ATP10B: variants seen among roughly 807,000 people sequenced by gnomAD.
ATP10B encodes the protein ATPase phospholipid transporting 10B (putative).
A neutral mutation model predicts 141.2 loss-of-function variants in ATP10B; 122 were observed. The observed-to-expected ratio is 0.86, with a 90% CI of 0.75 to 1.00. The LOEUF is 1.00. ATP10B is among the 50% of genes least tolerant of loss of function. The pLI is 0.00. For synonymous variants in ATP10B, 685 were observed against 692.0 expected (o/e 0.99, Z 0.16); for missense variants, 1,876 against 1,825.3 (o/e 1.03, Z -0.51).
At chr5:160,875,419 A>G in the ATP10B span, among the ~76,000 whole-genome samples, 1 of 114,746 alleles carries the variant, frequency 8.7e-6, no homozygotes, top group African/African-American at 2.7e-5. Flanking sequence ...AGTACCAGCC[A>G]CTGCAAAATC....
chr5:160,684,723 T>C, intron 6 of ATP10B: 2 of 587,634 alleles, frequency 3.4e-6, no homozygotes, highest in South Asian at 4.3e-5. Flanking sequence ...TTCCCTGAAA[T>C]AAAATAATGA....
the ATP10B span, among the ~76,000 whole-genome samples, chr5:160,888,495 C>G: frequency 6.6e-6 from 1 of 152,264 alleles, no homozygotes; most frequent in East Asian, 1.9e-4. Flanking sequence ...CTAGAAGCCA[C>G]CCAGGGTCTG....
chr5:160,640,012 C>T (rs1032527812), intron 10 of ATP10B, among the ~76,000 whole-genome samples: 1 of 152,200 alleles, frequency 6.6e-6, no homozygotes, highest in African/African-American at 2.4e-5. Context: ...TCTAATGCCA[C>T]CACTGATCTG....
chr5:160,814,158 G>A (rs1426321616), intron 1 of ATP10B, among the ~76,000 whole-genome samples: 3 of 152,200 alleles, frequency 2.0e-5, no homozygotes, highest in Admixed American at 1.3e-4. Context: ...GTTGAGAGAA[G>A]AAGTCTTCAG....
chr5:160,814,377 G>A (rs1202078682), intron 1 of ATP10B, among the ~76,000 whole-genome samples: 1 of 152,174 alleles, frequency 6.6e-6, no homozygotes, highest in African/African-American at 2.4e-5. Flanking sequence ...CTGGAAGAAA[G>A]GGTATCAGTG....
chr5:160,676,954 C>T (rs1428122361), intron 6 of ATP10B, among the ~76,000 whole-genome samples: 1 of 152,126 alleles, frequency 6.6e-6, no homozygotes, highest in Non-Finnish European at 1.5e-5. Flanking sequence ...GTGGGAGTGA[C>T]ATGGCTCAGC....
chr5:160,785,287 A>T (rs1771055360), intron 2 of ATP10B, among the ~76,000 whole-genome samples: 1 of 152,148 alleles, frequency 6.6e-6, no homozygotes, highest in South Asian at 2.1e-4. Context: ...CTTAAGTGAT[A>T]TATAATTTGA....
intron 1 of ATP10B, among the ~76,000 whole-genome samples, chr5:160,817,575 A>C (rs1430135920): frequency 6.6e-6 from 1 of 152,310 alleles, no homozygotes; most frequent in East Asian, 1.9e-4. Flanking sequence ...CATATTGCCC[A>C]AGGTAATTTA....
chr5:160,845,862 TA>T lies in ATP10B; in HGVS notation c.-576+6078del, dbSNP rs958613960. ...TAATTATTGTTTAAATAAAAAACAT[TA>T]AAAAAATACATGTACTAACAAAATT... On this transcript the variant is annotated intron_variant, in intron 1 of 25. Coordinates refer to ENST00000327245, the MANE Select transcript of ATP10B (RefSeq NM_025153.3). 5.3e-5 allele frequency among the ~76,000 whole-genome samples: 8 copies of T among 152,210 alleles called. No individual in the cohort carries two copies. The East Asian group carries it at 9.6e-4, about 18-fold the overall frequency.
At chr5:160,742,582 G>T (rs148235575) in intron 2 of ATP10B, among the ~76,000 whole-genome samples, 1 of 152,138 alleles carries the variant, frequency 6.6e-6, no homozygotes, top group Admixed American at 6.6e-5. Flanking sequence ...GAGCAAATAG[G>T]TATTGTCAAA....
At chr5:160,834,098 G>A (rs566948633) in intron 1 of ATP10B, among the ~76,000 whole-genome samples, 7 of 152,156 alleles carry the variant, frequency 4.6e-5, no homozygotes, top group East Asian at 3.9e-4. Flanking sequence ...GCTGAGGTGG[G>A]TGGATCACTT....
At chr5:160,791,771 T>C (rs1394553884) in intron 1 of ATP10B, among the ~76,000 whole-genome samples, 1 of 152,156 alleles carries the variant, frequency 6.6e-6, no homozygotes, top group Admixed American at 6.5e-5. Context: ...TATGGCTCTA[T>C]AGAAGGCTAA....
At chr5:160,839,530 A>G (rs1010647344) in intron 1 of ATP10B, among the ~76,000 whole-genome samples, 25 of 152,192 alleles carry the variant, frequency 1.6e-4, no homozygotes, top group Admixed American at 1.4e-3. Flanking sequence ...CAAAAACTTC[A>G]TAATAGCCAA....
At chr5:160,783,029 A>G (rs1167775470) in intron 2 of ATP10B, among the ~76,000 whole-genome samples, 1 of 152,036 alleles carries the variant, frequency 6.6e-6, no homozygotes, top group East Asian at 1.9e-4. Context: ...ATTCAAAGGA[A>G]ATTTTTTATT....
At chr5:160,755,839 ATATATATATATATATATATATAT>A (rs1259093716) in intron 2 of ATP10B, among the ~76,000 whole-genome samples, 1,080 of 31,256 alleles carry the variant, frequency 0.035, 54 homozygotes, top group African/African-American at 0.13. Context: ...AAAAAAAAAA[ATATATATATATATATATATATAT>A]ATATATATAT....
chr5:160,572,864 G>A (rs781098810), intron 24 of ATP10B, among the ~76,000 whole-genome samples: 6 of 152,168 alleles, frequency 3.9e-5, no homozygotes, highest in African/African-American at 1.2e-4. Context: ...ATTTACTTCA[G>A]ATTTTATGGA....
chr5:160,728,501 A>T (rs1241047903), intron 2 of ATP10B, among the ~76,000 whole-genome samples: 1 of 152,176 alleles, frequency 6.6e-6, no homozygotes, highest in African/African-American at 2.4e-5. Flanking sequence ...GATGCCAGGG[A>T]AATAACACAC....
chr5:160,654,704 GTCATCA>G (rs151297339), intron 7 of ATP10B, among the ~76,000 whole-genome samples: 8 of 151,934 alleles, frequency 5.3e-5, no homozygotes, highest in Non-Finnish European at 7.4e-5. Context: ...TGTCGTCATC[GTCATCA>G]TCATCATCAT....
chr5:160,732,147 T>C (rs918867319), intron 2 of ATP10B, among the ~76,000 whole-genome samples: 7 of 152,018 alleles, frequency 4.6e-5, no homozygotes, highest in African/African-American at 1.7e-4. Flanking sequence ...TTACAATGAA[T>C]GAAAAGATTA....
Sources: allele counts gnomAD v4.1 joint callset (sites outside exome capture counted in the v4.1 genomes callset), GRCh38; gene constraint gnomAD v4.1.1; transcripts MANE v1.5; gene names NCBI Gene and HGNC (gene_info 2026-07-23, HGNC 2026-07-21).